The following STK33 variants were observed in gnomAD, a reference collection of about 807,000 sequenced individuals.
STK33 encodes the protein serine/threonine-protein kinase 33.
Under a neutral mutation model 58.0 loss-of-function variants are expected in STK33, and 52 were observed. That is an observed-to-expected ratio of 0.90 (90% CI 0.72 to 1.13). STK33 has a LOEUF of 1.13. Among genes scored for constraint, STK33 ranks in the 50% most tolerant of loss-of-function variants. The pLI, the probability that STK33 is intolerant of heterozygous loss-of-function variation, is 0.00. For synonymous variants in STK33, 215 were observed against 200.1 expected, an observed-to-expected ratio of 1.07 and a Z score of -0.63; for missense variants, 630 against 604.2, an observed-to-expected ratio of 1.04 and a Z score of -0.45.
chr11:8,340,692 CATCT>C, the STK33 span, among the ~76,000 whole-genome samples: 2 of 152,208 alleles, frequency 1.3e-5, no homozygotes, highest in Admixed American at 6.5e-5. Flanking sequence ...GCCTGATCCC[CATCT>C]GAGTGATGAC....
intron 1 of STK33, among the ~76,000 whole-genome samples, chr11:8,553,387 T>C (rs1006686628): frequency 1.3e-5 from 2 of 151,444 alleles, no homozygotes; most frequent in African/African-American, 2.4e-5. Context: ...TTGGTTACAA[T>C]AGCATCACCA....
At chr11:8,371,304 A>C in the STK33 span, among the ~76,000 whole-genome samples, 24 of 152,204 alleles carry the variant, frequency 1.6e-4, no homozygotes, top group East Asian at 3.9e-3. Context: ...GAGAGACAGC[A>C]AGGAAGGCTG....
At chr11:8,453,905 T>C (rs1347674949) in intron 10 of STK33, among the ~76,000 whole-genome samples, 1 of 152,228 alleles carries the variant, frequency 6.6e-6, no homozygotes, top group Non-Finnish European at 1.5e-5. Context: ...TTCAGACACA[T>C]GAAACATACA....
the STK33 span, among the ~76,000 whole-genome samples, chr11:8,343,181 A>T: frequency 6.6e-6 from 1 of 152,230 alleles, no homozygotes; most frequent in Non-Finnish European, 1.5e-5. Context: ...GGTCATGGCC[A>T]ATGAGCATGA....
the STK33 span, among the ~76,000 whole-genome samples, chr11:8,344,782 G>A: frequency 6.6e-6 from 1 of 152,222 alleles, no homozygotes; most frequent in Non-Finnish European, 1.5e-5. Flanking sequence ...AAATCCCACG[G>A]TTGGCTGATG....
intron 15 of STK33, among the ~76,000 whole-genome samples, chr11:8,405,830 T>G (rs73402082): frequency 0.19 from 29,564 of 152,108 alleles, 3,259 homozygotes; most frequent in African/African-American, 0.29. Flanking sequence ...TTCGAATTGC[T>G]TTGAAATCTC....
the STK33 span, among the ~76,000 whole-genome samples, chr11:8,346,368 C>A: frequency 1.4e-3 from 218 of 152,302 alleles, no homozygotes; most frequent in African/African-American, 4.6e-3. Context: ...CTGCGGTCAG[C>A]CTCCCAGGGT....
chr11:8,569,571 G>C (rs1030838770), intron 1 of STK33, among the ~76,000 whole-genome samples: 2 of 152,134 alleles, frequency 1.3e-5, no homozygotes, highest in Non-Finnish European at 2.9e-5. Flanking sequence ...TTCTTAGAAA[G>C]AACACAGAAA....
At chr11:8,458,339 A>G (rs940166684) in intron 8 of STK33, among the ~76,000 whole-genome samples, 1 of 152,076 alleles carries the variant, frequency 6.6e-6, no homozygotes, top group Non-Finnish European at 1.5e-5. Context: ...TCAGGTTTAT[A>G]GAATTTTTAC....
chr11:8,490,920 AAAACCC>A (rs1950562846), intron 1 of STK33, among the ~76,000 whole-genome samples: 1 of 152,218 alleles, frequency 6.6e-6, no homozygotes, highest in African/African-American at 2.4e-5. Flanking sequence ...TATCCACACC[AAAACCC>A]CATCTGTAGG....
At chr11:8,418,824 T>A (rs1312282767) in intron 14 of STK33, among the ~76,000 whole-genome samples, 3 of 152,192 alleles carry the variant, frequency 2.0e-5, no homozygotes, top group Non-Finnish European at 4.4e-5. Flanking sequence ...TGGTCTTGAT[T>A]TGAATTTCTC....
At chr11:8,442,997 C>A (rs1944964481) in intron 11 of STK33, among the ~76,000 whole-genome samples, 1 of 152,098 alleles carries the variant, frequency 6.6e-6, no homozygotes, top group Non-Finnish European at 1.5e-5. Flanking sequence ...TCTGGGGTGA[C>A]AGAAATGTTC....
intron 1 of STK33, among the ~76,000 whole-genome samples, chr11:8,525,482 T>C (rs377301507): frequency 6.6e-6 from 1 of 152,144 alleles, no homozygotes; most frequent in Admixed American, 6.6e-5. Context: ...AAAGATGACA[T>C]TGCAAAGCAG....
chr11:8,430,689 C>T (rs1055032995), intron 14 of STK33, among the ~76,000 whole-genome samples: 3 of 152,142 alleles, frequency 2.0e-5, no homozygotes, highest in African/African-American at 4.8e-5. Flanking sequence ...TTGTTTTAAA[C>T]CCTCTACTAG....
chr11:8,563,214 C>A (rs112255596), intron 1 of STK33, among the ~76,000 whole-genome samples: 1 of 152,124 alleles, frequency 6.6e-6, no homozygotes, highest in Non-Finnish European at 1.5e-5. Flanking sequence ...TACCCATAGG[C>A]CTTCTGGGAG....
At chr11:8,348,499 C>T in the STK33 span, among the ~76,000 whole-genome samples, 1 of 152,090 alleles carries the variant, frequency 6.6e-6, no homozygotes, top group Non-Finnish European at 1.5e-5. Context: ...GTAACTGCCC[C>T]CATGATTTTA....
chr11:8,394,137 G>A (rs1456417704), intron 15 of STK33, among the ~76,000 whole-genome samples: 1 of 152,120 alleles, frequency 6.6e-6, no homozygotes, highest in East Asian at 1.9e-4. Flanking sequence ...GTTCTTTTAA[G>A]AGGTAGAAAA....
intron 15 of STK33, among the ~76,000 whole-genome samples, chr11:8,400,231 G>T (rs1255575486): frequency 1.3e-5 from 2 of 152,132 alleles, no homozygotes; most frequent in Non-Finnish European, 2.9e-5. Flanking sequence ...TAAAATACTG[G>T]CAAACAGAAT....
chr11:8,512,977 C>T (rs1027026467), intron 1 of STK33, among the ~76,000 whole-genome samples: 12 of 152,024 alleles, frequency 7.9e-5, no homozygotes, highest in African/African-American at 2.9e-4. Context: ...CTATTGTAGC[C>T]CAAATAGAGA....
Sources: allele counts gnomAD v4.1 joint callset (sites outside exome capture counted in the v4.1 genomes callset), GRCh38; gene constraint gnomAD v4.1.1; transcripts MANE v1.5; gene names NCBI Gene and HGNC (gene_info 2026-07-23, HGNC 2026-07-21).